Variants in DMGDH observed in about 807,000 individuals in gnomAD.
The protein encoded by DMGDH is dimethylglycine dehydrogenase.
In DMGDH, 76 loss-of-function variants were observed where a neutral mutation model predicts 95.2. The observed-to-expected ratio is 0.80, with a 90% CI of 0.66 to 0.97. The LOEUF is 0.97. Among genes scored for constraint, DMGDH ranks in the 50% least tolerant of loss-of-function variants. DMGDH has a pLI of 0.00. For synonymous variants in DMGDH, 345 were observed against 377.6 expected (o/e 0.91, Z 1.00); for missense variants, 987 against 1,055.0 (o/e 0.94, Z 0.89).
intron 15 of DMGDH, chr5:79,000,707 C>G: frequency 1.6e-6 from 1 of 618,674 alleles, no homozygotes; most frequent in South Asian, 1.5e-5. Flanking sequence ...CTTATTTTCT[C>G]CACTCACAGG....
In DMGDH at chr5:79,069,641, C is replaced by A; in HGVS notation, c.-21G>T. On this transcript the variant is annotated 5_prime_UTR_variant, in exon 1 of 16. Coordinates refer to ENST00000255189, the MANE Select transcript of DMGDH (RefSeq NM_013391.3). ...AGCATGACTAGGCCGAGGCCGAGGG[C>A]GCAGGCGCCTGCTCCGAGGCCAGCG... The A allele has an allele frequency of 7.4e-7, 1 of 1,344,188 alleles. No homozygotes were observed. The allele number at this position is 1,344,188 out of a possible 1,614,324, so 83.3% of individuals were successfully genotyped here.
chr5:79,052,206 G>A (rs1722611822), intron 4 of DMGDH, among the ~76,000 whole-genome samples: 1 of 152,188 alleles, frequency 6.6e-6, no homozygotes, highest in South Asian at 2.1e-4. Context: ...ACTGAATTCA[G>A]TTTGCTAGTA....
At chr5:79,056,471 A>T (rs1484213206) in intron 2 of DMGDH, among the ~76,000 whole-genome samples, 1 of 152,164 alleles carries the variant, frequency 6.6e-6, no homozygotes, top group East Asian at 1.9e-4. Flanking sequence ...TGAAACTAAA[A>T]GGCGGAGCTT....
chr5:79,031,532 G>T (rs114886294), intron 9 of DMGDH, among the ~76,000 whole-genome samples: 1 of 152,206 alleles, frequency 6.6e-6, no homozygotes, highest in African/African-American at 2.4e-5. Context: ...TGCCAGGCTC[G>T]CAGGAGATGC....
At chr5:79,061,246 C>A (rs964625735) in intron 2 of DMGDH, among the ~76,000 whole-genome samples, 1 of 143,062 alleles carries the variant, frequency 7.0e-6, no homozygotes, top group African/African-American at 3.0e-5. Context: ...CACACACACA[C>A]ACACACACAC....
At chr5:79,066,148 C>A (rs1755372844) in intron 1 of DMGDH, among the ~76,000 whole-genome samples, 1 of 152,140 alleles carries the variant, frequency 6.6e-6, no homozygotes, top group South Asian at 2.1e-4. Context: ...TTATTCCAAT[C>A]AATTTATAGC....
chr5:79,039,429 T>A (rs920629346), intron 7 of DMGDH, among the ~76,000 whole-genome samples: 2 of 151,770 alleles, frequency 1.3e-5, no homozygotes, highest in Non-Finnish European at 2.9e-5. Flanking sequence ...AAATTGGAAA[T>A]CATCATTCTC....
chr5:79,019,599 GT>G (rs777569367), intron 14 of DMGDH, among the ~76,000 whole-genome samples: 8 of 152,064 alleles, frequency 5.3e-5, no homozygotes, highest in Admixed American at 1.3e-4. Context: ...AGAATAGATT[GT>G]TGGGCCAAGT....
In DMGDH at chr5:79,047,903, C is replaced by A. The variant is rs577411280; in HGVS notation, c.746-3351G>T. Among the ~76,000 whole-genome samples the A allele has an allele frequency of 1.7e-4, 26 of 152,242 alleles. No homozygotes were observed. The South Asian group carries it at 5.2e-3, about 30-fold the overall frequency. ...CACCTGAATTAGAATCTTTTTGAAGCTTGGGAAACTTCCCAAGGTGATTCT... is the reference window on the plus strand; with the variant it reads ...CACCTGAATTAGAATCTTTTTGAAGATTGGGAAACTTCCCAAGGTGATTCT... On this transcript the variant is annotated intron_variant, in intron 5 of 15. Coordinates refer to ENST00000255189, the MANE Select transcript of DMGDH (RefSeq NM_013391.3).
intron 14 of DMGDH, among the ~76,000 whole-genome samples, chr5:79,010,617 C>T (rs79882787): frequency 1.5e-3 from 229 of 152,316 alleles, no homozygotes; most frequent in African/African-American, 5.3e-3. Flanking sequence ...TCCTTGAGCC[C>T]CCACTGTCCA....
At chr5:79,018,532 G>A (rs554370475) in intron 14 of DMGDH, among the ~76,000 whole-genome samples, 40 of 152,134 alleles carry the variant, frequency 2.6e-4, no homozygotes, top group African/African-American at 8.0e-4. Context: ...GGAGGGTGGC[G>A]GGTAGGGATC....
chr5:79,040,194 T>C (rs1477734075), intron 7 of DMGDH, among the ~76,000 whole-genome samples: 2 of 152,186 alleles, frequency 1.3e-5, no homozygotes, highest in African/African-American at 4.8e-5. Context: ...GTGGGGTCTA[T>C]GTTAATTCCA....
chr5:79,022,309 G>C (rs1753889918), intron 14 of DMGDH, among the ~76,000 whole-genome samples: 1 of 152,132 alleles, frequency 6.6e-6, no homozygotes, highest in Non-Finnish European at 1.5e-5. Flanking sequence ...TTAGGCACAG[G>C]ACTTGAATGG....
Position 78,997,951 on chromosome 5 carries a change from G to T in DMGDH, c.*131C>A. ...ACACTTAACAGAAAGGTTTCATTAA[G>T]ATTCTAAATTTAGACTTTGATGATT... On this transcript the variant is annotated 3_prime_UTR_variant, in exon 16 of 16. Transcript: ENST00000255189. 1 of 932,774 alleles carries T rather than the reference G, an allele frequency of 1.1e-6. No individual in the cohort carries two copies. Among genetic ancestry groups the T allele is most frequent in the Non-Finnish European group, 1.7e-6 (1 of 605,418 alleles). 57.8% of individuals were successfully genotyped at this position (932,774 alleles called of 1,614,324 possible). A position where few individuals can be genotyped will look rare whatever the true frequency, so the allele number is the denominator to read the frequency against.
At position 79,055,775 on chromosome 5, in the gene DMGDH, G is replaced by A. The variant is rs779041397; in HGVS notation, c.375+35C>T. On this transcript the variant is annotated intron_variant, in intron 3 of 15. Coordinates refer to ENST00000255189, the MANE Select transcript of DMGDH (RefSeq NM_013391.3). Reference sequence around the variant, plus strand: ...AAATCTTACATGTTTCTGAGAAGCCGACCTAACAGACAGTTTCAAGTTAAA... The same window carrying A: ...AAATCTTACATGTTTCTGAGAAGCCAACCTAACAGACAGTTTCAAGTTAAA... 5.7e-4 allele frequency: 777 copies of A among 1,375,166 alleles called. 2 individuals are homozygous for A. Among genetic ancestry groups the A allele is most frequent in the Non-Finnish European group, 7.7e-4 (745 of 963,342 alleles). The allele number at this position is 1,375,166 out of a possible 1,614,324, so 85.2% of individuals were successfully genotyped here.
In DMGDH at chr5:79,063,656, A is replaced by C; in HGVS notation, c.233T>G (p.Leu78Arg). The change falls in exon 2 of 16, where the codon CTG becomes CGG. Residue 78 changes from leucine to arginine, a missense_variant. Physicochemically the swap from Leu to Arg is moderately radical, Grantham distance 102. Coordinates refer to ENST00000255189, the MANE Select transcript of DMGDH (RefSeq NM_013391.3). ...AGCCGTGAGCTCTGATTTCTCCAGC[A>C]GGACCACATCTTTCATCCCTGCTTT... ...LAKAGMKDVV[L>R]LEKSELTAGS... 1 of 1,614,220 alleles carries C rather than the reference A, an allele frequency of 6.2e-7. No individual in the cohort carries two copies. The highest frequency in any genetic ancestry group is 2.2e-5 in the East Asian group (1 of 44,882).
At position 79,026,416 on chromosome 5, in the gene DMGDH, T is replaced by C; in HGVS notation, c.2190+8A>G. The C allele has an allele frequency of 1.2e-6, 2 of 1,614,132 alleles. No individual in the cohort carries two copies. Among genetic ancestry groups the C allele is most frequent in the Non-Finnish European group, 1.7e-6 (2 of 1,180,000 alleles). Reference sequence around the variant, plus strand: ...TAAAATGTTAATAAAGATGCTAGCATTTCAAACCTCTAACCCCCAGGCTCT... The same window carrying C: ...TAAAATGTTAATAAAGATGCTAGCACTTCAAACCTCTAACCCCCAGGCTCT... On this transcript the variant is annotated splice_region_variant and intron_variant, in intron 13 of 15. Transcript: ENST00000255189.
intron 6 of DMGDH, among the ~76,000 whole-genome samples, 167 bp from the exon 7 acceptor site, chr5:79,042,648 C>T (rs1169607451): frequency 1.3e-5 from 2 of 152,004 alleles, no homozygotes; most frequent in Non-Finnish European, 2.9e-5. Flanking sequence ...AGATGAGTAT[C>T]CATTTATATT....
At chr5:79,022,055 A>C (rs1350567942) in intron 14 of DMGDH, among the ~76,000 whole-genome samples, 1 of 152,240 alleles carries the variant, frequency 6.6e-6, no homozygotes, top group African/African-American at 2.4e-5. Context: ...AAACGATCAT[A>C]GTGTAAATGC....
Sources: allele counts gnomAD v4.1 joint callset (sites outside exome capture counted in the v4.1 genomes callset), GRCh38; gene constraint gnomAD v4.1.1; transcripts MANE v1.5; gene names NCBI Gene and HGNC (gene_info 2026-07-23, HGNC 2026-07-21).